Variants in DBR1 observed in about 807,000 individuals in gnomAD.
DBR1 encodes the protein debranching RNA lariats 1.
DBR1 carries 33 observed loss-of-function variants against 45.9 expected under a neutral mutation model. That is an observed-to-expected ratio of 0.72 (90% CI 0.55 to 0.96). The LOEUF is 0.96. Among genes scored for constraint, DBR1 ranks in the 40% least tolerant of loss-of-function variants. The probability of loss-of-function intolerance (pLI) is 0.00; values close to 1 mark genes in which losing one functional copy is unlikely to be tolerated. For synonymous variants in DBR1, 235 were observed against 235.9 expected (o/e 1.00, Z 0.04); for missense variants, 619 against 667.4 (o/e 0.93, Z 0.80).
In DBR1 at chr3:138,162,583, CTATAAAAG is replaced by C; in HGVS notation, c.942-9_942-2del. 1 of 1,602,952 alleles carries C rather than the reference CTATAAAAG, an allele frequency of 6.2e-7. No homozygotes were observed. Among genetic ancestry groups the C allele is most frequent in the Non-Finnish European group, 8.5e-7 (1 of 1,171,190 alleles). ...TTCTTCTGTTGCACTATAATCCCAC[CTATAAAAG>C]TACAAAACAATAGCTTTTTACATTT... is the stretch of plus-strand genomic sequence containing the variant. On this transcript the variant is annotated splice_acceptor_variant and splice_polypyrimidine_tract_variant and intron_variant, in intron 7 of 7. Transcript: ENST00000260803. LOFTEE classifies it high-confidence loss of function.
At chr3:138,163,573 A>G in intron 6 of DBR1, 79 bp from the exon 7 acceptor site, 1 of 826,040 alleles carries the variant, frequency 1.2e-6, no homozygotes, top group East Asian at 3.4e-5. Flanking sequence ...TAATAAAATA[A>G]AAAGGAATTT....
intron 5 of DBR1, among the ~76,000 whole-genome samples, chr3:138,165,736 A>G (rs1469325732): frequency 6.6e-6 from 1 of 151,958 alleles, no homozygotes; most frequent in Non-Finnish European, 1.5e-5. Flanking sequence ...CTCAAAAAAA[A>G]AAGAAAAATG....
intron 1 of DBR1, 44 bp downstream of exon 1, chr3:138,174,555 T>TGCCCCC: frequency 1.4e-6 from 2 of 1,437,554 alleles, no homozygotes; most frequent in Non-Finnish European, 1.9e-6. Flanking sequence ...GGGAACCCAG[T>TGCCCCC]CCCACCCCCC....
At chr3:138,166,998 T>A in intron 5 of DBR1, 83 bp downstream of exon 5, 3 of 1,273,470 alleles carry the variant, frequency 2.4e-6, no homozygotes, top group Non-Finnish European at 3.3e-6. Flanking sequence ...CTTTTACTTC[T>A]TTCTCTAACT....
rs772731405 is a variant in DBR1, at chr3:138,174,837, C to T, written c.-42G>A. 3 of 1,582,548 alleles carry T rather than the reference C, an allele frequency of 1.9e-6. No homozygotes were observed. Among genetic ancestry groups the T allele is most frequent in the East Asian group, 4.5e-5 (2 of 44,026 alleles). ...GGTGAGCGCTGCCTGCAACGCCCTA[C>T]ACCACAGCCAGCCCAGGACCGACTG... On this transcript the variant is annotated 5_prime_UTR_variant, in exon 1 of 8. Transcript: ENST00000260803.
intron 3 of DBR1, among the ~76,000 whole-genome samples, chr3:138,170,874 C>CAGATT (rs1308925527): frequency 6.6e-6 from 1 of 152,096 alleles, no homozygotes; most frequent in Non-Finnish European, 1.5e-5. Context: ...CACAAATGAA[C>CAGATT]AGATTAGATT....
chr3:138,174,008 G>A (rs545163076), intron 1 of DBR1, among the ~76,000 whole-genome samples: 43 of 126,088 alleles, frequency 3.4e-4, no homozygotes, highest in Middle Eastern at 4.6e-3. Flanking sequence ...GCAACAAAGC[G>A]AAACTCTGTC....
At position 138,162,384 on chromosome 3, in the gene DBR1, A is replaced by G. The variant is rs2042912072; in HGVS notation, c.1140T>C (p.Asn380=). 1 of 1,614,132 alleles carries G rather than the reference A, an allele frequency of 6.2e-7. No individual in the cohort carries two copies. Among genetic ancestry groups the G allele is most frequent in the Admixed American group, 1.7e-5 (1 of 60,000 alleles). ...CTTCCTTGGACTTCTGAAGCCTAACATTGATGTCTATGATGCCAAGTTGGG... is the reference window on the plus strand; with the variant it reads ...CTTCCTTGGACTTCTGAAGCCTAACGTTGATGTCTATGATGCCAAGTTGGG... ...FCAQLGIIDI[N]VRLQKSKEEH... The change falls in exon 8 of 8, where the codon AAT becomes AAC. Residue 380 remains asparagine (N), a synonymous_variant. Transcript: ENST00000260803.
At chr3:138,167,465 A>G (rs549350472) in intron 4 of DBR1, among the ~76,000 whole-genome samples, 160 bp from the exon 5 acceptor site, 1 of 152,178 alleles carries the variant, frequency 6.6e-6, no homozygotes, top group Non-Finnish European at 1.5e-5. Flanking sequence ...TGATAAAAAT[A>G]CTAGGCAACT....
At chr3:138,169,968 C>G in intron 4 of DBR1, 139 bp downstream of exon 4, 1 of 645,452 alleles carries the variant, frequency 1.5e-6, no homozygotes, top group South Asian at 1.8e-5. Flanking sequence ...CTGTGAACCT[C>G]CTAAAAACTC....
At chr3:138,172,920 G>A (rs893834335) in intron 2 of DBR1, among the ~76,000 whole-genome samples, 4 of 152,040 alleles carry the variant, frequency 2.6e-5, no homozygotes, top group Non-Finnish European at 4.4e-5. Context: ...AGGGAAATCT[G>A]ACCACGAACA....
Position 138,161,823 on chromosome 3 carries a change from G to C in DBR1, c.*66C>G, listed in dbSNP as rs1351674312. ...ATCACGCCATTGCACTCCAGTCTAG[G>C]TGACAAGAGTGAAACTCCATCTCAA... On this transcript the variant is annotated 3_prime_UTR_variant, in exon 8 of 8. Transcript: ENST00000260803. 1 of 1,269,764 alleles carries C rather than the reference G, an allele frequency of 7.9e-7. No individual in the cohort carries two copies. The allele number at this position is 1,269,764 out of a possible 1,614,324, so 78.7% of individuals were successfully genotyped here.
intron 7 of DBR1, 45 bp downstream of exon 7, chr3:138,163,304 A>C (rs140535041): frequency 6.3e-7 from 1 of 1,594,690 alleles, no homozygotes; most frequent in Non-Finnish European, 8.6e-7. Flanking sequence ...TATAAAAATT[A>C]TGCATGCAAT....
chr3:138,173,403 C>G, intron 2 of DBR1, 99 bp downstream of exon 2: 1 of 1,205,888 alleles, frequency 8.3e-7, no homozygotes, highest in Non-Finnish European at 1.2e-6. Context: ...ATGACATTCT[C>G]CAAACACCAT....
chr3:138,173,634 A>AT lies in DBR1; in HGVS notation c.198-9dup. 1 of 1,609,050 alleles carries AT rather than the reference A, an allele frequency of 6.2e-7. No homozygotes were observed. The highest frequency in any genetic ancestry group is 8.5e-7 in the Non-Finnish European group (1 of 1,178,128). ...TTCTCTCCAGAGTAATACCTAGAAC[A>AT]TAAGAGCAAAGTCAGTTACCACAAT... On this transcript the variant is annotated splice_polypyrimidine_tract_variant and intron_variant, in intron 1 of 7. Transcript: ENST00000260803.
At chr3:138,174,570 G>GC in intron 1 of DBR1, 29 bp downstream of exon 1, 1 of 924,254 alleles carries the variant, frequency 1.1e-6, no homozygotes, top group East Asian at 3.3e-5. Flanking sequence ...CCCCCCCACC[G>GC]CCAAGTCCGG....
chr3:138,161,729 C>A lies in DBR1; in HGVS notation c.*160G>T. 4 of 610,662 alleles carry A rather than the reference C, an allele frequency of 6.6e-6. No individual in the cohort carries two copies. The South Asian group carries it at 8.0e-5, about 12-fold the overall frequency. 37.8% of individuals were successfully genotyped at this position (610,662 alleles called of 1,614,324 possible). ...GGTGTGGTGGCGGGCACCTGTAGTC[C>A]CACCTACTTGGGAGGCTGAGGCAGG... On this transcript the variant is annotated 3_prime_UTR_variant, in exon 8 of 8. Coordinates refer to ENST00000260803, the MANE Select transcript of DBR1 (RefSeq NM_016216.4).
At chr3:138,172,581 C>T (rs1218775715) in intron 2 of DBR1, among the ~76,000 whole-genome samples, 2 of 152,040 alleles carry the variant, frequency 1.3e-5, no homozygotes, top group African/African-American at 4.8e-5. Context: ...GGCAACAGAA[C>T]CAGACCTTGT....
At chr3:138,165,813 T>G (rs983218780) in intron 5 of DBR1, among the ~76,000 whole-genome samples, 2 of 152,080 alleles carry the variant, frequency 1.3e-5, no homozygotes, top group Non-Finnish European at 2.9e-5. Flanking sequence ...TCTCTGGTGT[T>G]GGTAAAGGGG....
Sources: allele counts gnomAD v4.1 joint callset (sites outside exome capture counted in the v4.1 genomes callset), GRCh38; gene constraint gnomAD v4.1.1; transcripts MANE v1.5; gene names NCBI Gene and HGNC (gene_info 2026-07-23, HGNC 2026-07-21).